LVRN: variants seen among roughly 807,000 people sequenced by gnomAD.
LVRN encodes laeverin.
In LVRN, 99 loss-of-function variants were observed where a neutral mutation model predicts 111.4. That is an observed-to-expected ratio of 0.89 (90% CI 0.76 to 1.05). LVRN has a LOEUF of 1.05. Among genes scored for constraint, LVRN ranks in the 50% least tolerant of loss-of-function variants. The pLI, the probability that LVRN is intolerant of heterozygous loss-of-function variation, is 0.00. For missense variants in LVRN, 1,414 were observed against 1,206.8 expected, an observed-to-expected ratio of 1.17 and a Z score of -2.54; for synonymous variants, 488 against 449.5, an observed-to-expected ratio of 1.09 and a Z score of -1.08.
intron 13 of LVRN, among the ~76,000 whole-genome samples, chr5:116,008,525 C>T (rs550411940): frequency 7.2e-5 from 11 of 151,730 alleles, no homozygotes; most frequent in African/African-American, 2.2e-4. Context: ...ACTCTTGCTC[C>T]ACATGGCCAA....
At chr5:116,006,516 C>G (rs1180787776) in intron 13 of LVRN, among the ~76,000 whole-genome samples, 1 of 152,084 alleles carries the variant, frequency 6.6e-6, no homozygotes, top group Admixed American at 6.6e-5. Flanking sequence ...CTCTCTGTCT[C>G]TAAGATCACC....
At position 115,984,703 on chromosome 5, in the gene LVRN, C is replaced by A; in HGVS notation, c.972C>A (p.Gly324=). The A allele has an allele frequency of 1.2e-6, 2 of 1,613,378 alleles. No individual in the cohort carries two copies. The highest frequency in any genetic ancestry group is 1.7e-6 in the Non-Finnish European group (2 of 1,179,640). Residue 324 remains glycine (G), a synonymous_variant, in exon 3 of 20, where the codon GGC becomes GGA. Coordinates refer to ENST00000357872, the MANE Select transcript of LVRN (RefSeq NM_173800.5). ...ACCACGTCAACAGAACAGAAAGGGG[C>A]AAGGAGGTGAGTGAGGAAGATTCTG... ...DYDHVNRTER[G]KEIRIWARKD...
Position 115,963,048 on chromosome 5 carries a change from T to A in LVRN, c.431T>A (p.Leu144Gln). ...TVRCTVATSRLLLHSLFQDCE... is the reference protein window; with the variant it reads ...TVRCTVATSRQLLHSLFQDCE... The stretch of plus-strand genomic sequence containing the variant: ...CGCTGCACGGTGGCCACCTCTCGAC[T>A]GCTGCTGCATAGCCTCTTCCAGGAC... Residue 144 changes from leucine (L) to glutamine (Q), a missense_variant, in exon 1 of 20, where the codon CTG becomes CAG. Transcript: ENST00000357872. The A allele has an allele frequency of 6.2e-7, 1 of 1,613,638 alleles. No individual in the cohort carries two copies. Among genetic ancestry groups the A allele is most frequent in the Non-Finnish European group, 8.5e-7 (1 of 1,179,904 alleles).
At chr5:115,991,713 GT>G (rs1450475159) in intron 4 of LVRN, among the ~76,000 whole-genome samples, 6 of 152,216 alleles carry the variant, frequency 3.9e-5, no homozygotes, top group Non-Finnish European at 5.9e-5. Context: ...TAGTAGGTGT[GT>G]GGTAATATCT....
At position 116,003,340 on chromosome 5, in the gene LVRN, G is replaced by A; in HGVS notation, c.1997G>A (p.Gly666Asp). 6.6e-7 allele frequency: 1 copy of A among 1,512,306 alleles called. No homozygotes were observed. Among genetic ancestry groups the A allele is most frequent in the Non-Finnish European group, 9.0e-7 (1 of 1,114,898 alleles). The allele number at this position is 1,512,306 out of a possible 1,614,324, so 93.7% of individuals were successfully genotyped here. A position where few individuals can be genotyped will look rare whatever the true frequency, so the allele number is the denominator to read the frequency against. ...GYYRVNYDKL[G>D]WKKLNQQLEK... Reference sequence around the variant, plus strand: ...TATAGAGTTAATTATGATAAATTAGGTTGGAAGAAACTAAATCAACAACTT... The same window carrying A: ...TATAGAGTTAATTATGATAAATTAGATTGGAAGAAACTAAATCAACAACTT... The change falls in exon 12 of 20, where the codon GGT becomes GAT. Residue 666 changes from glycine to aspartate, a missense_variant. Coordinates refer to ENST00000357872, the MANE Select transcript of LVRN (RefSeq NM_173800.5).
chr5:116,011,965 T>C (rs1157279971), intron 14 of LVRN, among the ~76,000 whole-genome samples: 2 of 152,134 alleles, frequency 1.3e-5, no homozygotes, highest in African/African-American at 2.4e-5. Context: ...AATGTATACT[T>C]AGCATGGATG....
Position 116,003,926 on chromosome 5 carries a change from C to A in LVRN, c.2037+546C>A, listed in dbSNP as rs191243589. On this transcript the variant is annotated intron_variant, in intron 12 of 19. Transcript: ENST00000357872. ...ATTCATTTTGCTTTTCCAAAACAACCTTTCCAGGTAAGAATCAGGATGCAT... is the reference window on the plus strand; with the variant it reads ...ATTCATTTTGCTTTTCCAAAACAACATTTCCAGGTAAGAATCAGGATGCAT... Among the ~76,000 whole-genome samples the A allele has an allele frequency of 2.6e-3, 403 of 152,254 alleles. 8 individuals are homozygous for A. The highest frequency in any genetic ancestry group is 0.023 in the Admixed American group (351 of 15,288).
intron 2 of LVRN, 100 bp downstream of exon 2, chr5:115,983,529 T>A: frequency 7.6e-7 from 1 of 1,314,010 alleles, no homozygotes; most frequent in Non-Finnish European, 1.0e-6. Context: ...TATGGTGTAT[T>A]ATAATTACAG....
intron 1 of LVRN, among the ~76,000 whole-genome samples, chr5:115,970,401 T>G (rs1325155935): frequency 7.1e-6 from 1 of 140,458 alleles, no homozygotes; most frequent in Non-Finnish European, 1.6e-5. Flanking sequence ...TTTTTTTTTT[T>G]GAGACGGAGT....
chr5:115,985,087 C>A (rs1025762781), intron 3 of LVRN, among the ~76,000 whole-genome samples: 5 of 152,124 alleles, frequency 3.3e-5, no homozygotes, highest in South Asian at 2.1e-4. Flanking sequence ...TGTCTTGAAG[C>A]TTGGGTGATA....
At chr5:116,001,538 C>A (rs553188062) in intron 10 of LVRN, among the ~76,000 whole-genome samples, 1 of 152,114 alleles carries the variant, frequency 6.6e-6, no homozygotes, top group Non-Finnish European at 1.5e-5. Flanking sequence ...ACTTGGGATT[C>A]TGAGTGAGGG....
intron 18 of LVRN, chr5:116,021,119 A>G (rs1748719811): frequency 6.6e-6 from 1 of 152,216 alleles, no homozygotes; most frequent in South Asian, 2.1e-4. Context: ...AGGTGCTTCC[A>G]TATACATTTT....
chr5:116,012,070 G>T (rs558097985), intron 14 of LVRN, among the ~76,000 whole-genome samples: 2 of 152,066 alleles, frequency 1.3e-5, no homozygotes, highest in East Asian at 3.9e-4. Flanking sequence ...GATCATTATA[G>T]CCAATATTTT....
At chr5:116,004,626 A>AC (rs1360129831) in intron 12 of LVRN, among the ~76,000 whole-genome samples, 1 of 151,958 alleles carries the variant, frequency 6.6e-6, no homozygotes, top group Non-Finnish European at 1.5e-5. Context: ...GGGAAAAAAA[A>AC]CCCCCAAAAA....
At chr5:115,963,367 C>T in intron 1 of LVRN, 55 bp downstream of exon 1, 1 of 1,441,622 alleles carries the variant, frequency 6.9e-7, no homozygotes, top group Non-Finnish European at 9.3e-7. Context: ...CGTCCCGGTG[C>T]AGGCTGCGGG....
At chr5:115,972,296 T>C (rs906542795) in intron 1 of LVRN, among the ~76,000 whole-genome samples, 3 of 152,066 alleles carry the variant, frequency 2.0e-5, no homozygotes, top group Admixed American at 6.6e-5. Flanking sequence ...TTTATATGTT[T>C]CACTGTATAT....
intron 6 of LVRN, among the ~76,000 whole-genome samples, chr5:115,997,023 C>T (rs907407957): frequency 3.9e-5 from 6 of 152,042 alleles, no homozygotes; most frequent in Non-Finnish European, 8.8e-5. Flanking sequence ...TCATTCAATC[C>T]TCAGGGCAAT....
At chr5:115,983,152 A>AG (rs1747749759) in intron 1 of LVRN, 135 bp from the exon 2 acceptor site, 1 of 902,880 alleles carries the variant, frequency 1.1e-6, no homozygotes, top group South Asian at 1.9e-5. Context: ...GTGTGATGGG[A>AG]TGGGCAGTGA....
intron 18 of LVRN, among the ~76,000 whole-genome samples, chr5:116,015,973 T>C (rs1462300868): frequency 2.0e-5 from 3 of 152,230 alleles, no homozygotes; most frequent in Non-Finnish European, 2.9e-5. Context: ...CTTTTAACTA[T>C]GGCTTGAATA....
Sources: allele counts gnomAD v4.1 joint callset (sites outside exome capture counted in the v4.1 genomes callset), GRCh38; gene constraint gnomAD v4.1.1; transcripts MANE v1.5; gene names NCBI Gene and HGNC (gene_info 2026-07-23, HGNC 2026-07-21).